KCNIP3: variants seen among roughly 807,000 people sequenced by gnomAD.
KCNIP3 encodes the protein potassium voltage-gated channel interacting protein 3, also known as calsenilin.
KCNIP3 carries 28 observed loss-of-function variants against 35.0 expected under a neutral mutation model. That is an observed-to-expected ratio of 0.80 (90% CI 0.59 to 1.10). The LOEUF (loss-of-function observed/expected upper bound fraction) is 1.10, where lower values mean the gene tolerates loss of function less well. Ranked by LOEUF, KCNIP3 falls within the 50% of genes least tolerant of loss-of-function variation. KCNIP3 has a pLI of 0.00. For missense variants in KCNIP3, 295 were observed against 338.4 expected (o/e 0.87, Z 1.01); for synonymous variants, 134 against 133.8 (o/e 1.00, Z -0.01).
rs535581317 is a variant in KCNIP3, at chr2:95,318,179, TG to T, written c.181+7662del. Among the ~76,000 whole-genome samples, 513 of 152,186 alleles carry T rather than the reference TG, an allele frequency of 3.4e-3. 2 individuals carry two copies. The highest frequency in any genetic ancestry group is 5.8e-3 in the Non-Finnish European group (392 of 67,992). ...TGCCAAGCCTGGGATCCCCCACTCA[TG>T]GGCCCAGGGAGGGAGAGCAGATGGG... On this transcript the variant is annotated intron_variant, in intron 2 of 8. Coordinates refer to ENST00000295225, the MANE Select transcript of KCNIP3 (RefSeq NM_013434.5).
chr2:95,321,507 C>T (rs1678598524), intron 2 of KCNIP3, among the ~76,000 whole-genome samples: 1 of 152,188 alleles, frequency 6.6e-6, no homozygotes, highest in Non-Finnish European at 1.5e-5. Flanking sequence ...AAGTTACACA[C>T]AAAATTGGGC....
At chr2:95,302,083 C>T (rs1055255863) in intron 1 of KCNIP3, among the ~76,000 whole-genome samples, 10 of 152,142 alleles carry the variant, frequency 6.6e-5, no homozygotes, top group African/African-American at 2.2e-4. Flanking sequence ...CACGACACAA[C>T]GCCCACCACT....
intron 2 of KCNIP3, among the ~76,000 whole-genome samples, chr2:95,326,121 GCA>G (rs1466493804): frequency 2.0e-5 from 3 of 147,366 alleles, no homozygotes; most frequent in East Asian, 2.0e-4. Context: ...ACACATACAC[GCA>G]CACTTATAAA....
At chr2:95,309,206 G>A (rs146795944) in intron 1 of KCNIP3, among the ~76,000 whole-genome samples, 1 of 152,210 alleles carries the variant, frequency 6.6e-6, no homozygotes, top group African/African-American at 2.4e-5. Flanking sequence ...CCCAGCAGGT[G>A]CACAGAGGTG....
chr2:95,368,391 G>A (rs894544886), intron 2 of KCNIP3: 1 of 156,086 alleles, frequency 6.4e-6, no homozygotes, highest in Non-Finnish European at 1.4e-5. Context: ...AGGGTGGGAG[G>A]GGGTGAGGGA....
intron 2 of KCNIP3, among the ~76,000 whole-genome samples, chr2:95,348,498 A>C (rs1419444818): frequency 1.3e-5 from 2 of 152,078 alleles, no homozygotes; most frequent in East Asian, 3.9e-4. Context: ...TGATCTCTCC[A>C]TTGCTCTTCC....
chr2:95,331,235 G>A (rs575916076), intron 2 of KCNIP3, among the ~76,000 whole-genome samples: 17 of 152,308 alleles, frequency 1.1e-4, no homozygotes, highest in Admixed American at 2.0e-4. Context: ...AGATGGGACC[G>A]AAAGGATTTG....
At position 95,382,303 on chromosome 2, in the gene KCNIP3, A is replaced by G. The variant is rs2104308929; in HGVS notation, c.556-74A>G. The stretch of plus-strand genomic sequence containing the variant: ...CCTTGGAGGTGCCCTGCACCCTTGG[A>G]TGCCGCCCGCTCCCTTTGGGCCCTC... On this transcript the variant is annotated intron_variant, in intron 6 of 8. Transcript: ENST00000295225. The surrounding 1 kb of genome is among the most constrained non-coding windows in gnomAD (Gnocchi z 4.5). The G allele has an allele frequency of 3.2e-6, 3 of 950,526 alleles. No individual in the cohort carries two copies. Among genetic ancestry groups the G allele is most frequent in the Middle Eastern group, 2.2e-4 (1 of 4,538 alleles). 58.9% of individuals were successfully genotyped at this position (950,526 alleles called of 1,614,324 possible). A position where few individuals can be genotyped will look rare whatever the true frequency, so the allele number is the denominator to read the frequency against.
At chr2:95,311,478 G>A (rs563593659) in intron 2 of KCNIP3, 37 of 152,300 alleles carry the variant, frequency 2.4e-4, no homozygotes, top group South Asian at 8.3e-4. Flanking sequence ...TCCAGGGAGC[G>A]TTTGTCCCCT....
intron 1 of KCNIP3, among the ~76,000 whole-genome samples, chr2:95,305,418 A>G (rs142012723): frequency 6.6e-6 from 1 of 152,346 alleles, no homozygotes; most frequent in East Asian, 1.9e-4. Flanking sequence ...CCCCAATGAC[A>G]GCATATTTCA....
chr2:95,329,944 T>C (rs1322549579), intron 2 of KCNIP3, among the ~76,000 whole-genome samples: 2 of 152,132 alleles, frequency 1.3e-5, no homozygotes, highest in Non-Finnish European at 2.9e-5. Context: ...CCCGCTCTGG[T>C]CCCCCTCTCG....
At chr2:95,316,942 T>TGCTC (rs1476033372) in intron 2 of KCNIP3, among the ~76,000 whole-genome samples, 1 of 152,220 alleles carries the variant, frequency 6.6e-6, no homozygotes, top group African/African-American at 2.4e-5. Context: ...TATTGCTAAG[T>TGCTC]GCTCAAAAAT....
chr2:95,347,180 G>A, intron 2 of KCNIP3: 1 of 1,439,154 alleles, frequency 6.9e-7, no homozygotes, highest in Non-Finnish European at 9.6e-7. Context: ...GGTCTGGAGG[G>A]AGGGACCAGT....
intron 2 of KCNIP3, among the ~76,000 whole-genome samples, chr2:95,356,790 A>G (rs2104280488): frequency 6.6e-6 from 1 of 152,240 alleles, no homozygotes; most frequent in East Asian, 1.9e-4. Flanking sequence ...CATGACGCCT[A>G]GGAGGAGGCA....
At chr2:95,329,652 C>T (rs1343970982) in intron 2 of KCNIP3, among the ~76,000 whole-genome samples, 7 of 152,192 alleles carry the variant, frequency 4.6e-5, no homozygotes, top group African/African-American at 7.2e-5. Context: ...TGGGGGGACC[C>T]GGGAGCAGGC....
At chr2:95,381,313 TCA>T (rs1222300538) in intron 5 of KCNIP3, among the ~76,000 whole-genome samples, 2 of 151,554 alleles carry the variant, frequency 1.3e-5, no homozygotes, top group Non-Finnish European at 2.9e-5. Flanking sequence ...CCTCACAGGT[TCA>T]CACATACAGA....
intron 2 of KCNIP3, among the ~76,000 whole-genome samples, chr2:95,357,177 T>C (rs1175359473): frequency 6.6e-6 from 1 of 152,200 alleles, no homozygotes; most frequent in Admixed American, 6.5e-5. Flanking sequence ...CCACAGACTT[T>C]CCAATAAGTC....
At chr2:95,304,765 G>A (rs1249637334) in intron 1 of KCNIP3, among the ~76,000 whole-genome samples, 1 of 152,164 alleles carries the variant, frequency 6.6e-6, no homozygotes, top group African/African-American at 2.4e-5. Flanking sequence ...CTCAGCACCA[G>A]CACACAGCAG....
At chr2:95,312,170 T>G (rs1408072415) in intron 2 of KCNIP3, 2 of 152,238 alleles carry the variant, frequency 1.3e-5, no homozygotes, top group African/African-American at 4.8e-5. Flanking sequence ...AGTGGTACCC[T>G]CCCTCCATCC....
Sources: gnomAD v4.1 joint callset for allele counts (sites outside exome capture counted in the v4.1 genomes callset) on GRCh38, gnomAD v4.1.1 for gene constraint, Gnocchi (gnomAD v3.1) non-coding constraint, MANE v1.5 for transcripts, NCBI Gene and HGNC (gene_info 2026-07-23, HGNC 2026-07-21) for gene names.